Variants in CADM2 observed in about 807,000 individuals in gnomAD.
The protein encoded by CADM2 is immunoglobulin superfamily member 4D.
A neutral mutation model predicts 49.8 loss-of-function variants in CADM2; 12 were observed. The observed-to-expected ratio is 0.24, with a 90% CI of 0.15 to 0.39. CADM2 has a LOEUF of 0.39. Among genes scored for constraint, CADM2 ranks in the 10% least tolerant of loss-of-function variants. The pLI is 1.00. For synonymous variants in CADM2, 214 were observed against 175.4 expected, an observed-to-expected ratio of 1.22 and a Z score of -1.74; for missense variants, 378 against 492.3, an observed-to-expected ratio of 0.77 and a Z score of 2.20.
intron 1 of CADM2, among the ~76,000 whole-genome samples, chr3:85,147,079 C>T (rs1275945743): frequency 6.6e-6 from 1 of 151,890 alleles, no homozygotes; most frequent in Non-Finnish European, 1.5e-5. Flanking sequence ...TCAAGACCAT[C>T]CTGGCTAACA....
intron 1 of CADM2, among the ~76,000 whole-genome samples, chr3:85,452,735 G>A (rs940017767): frequency 1.7e-4 from 26 of 152,120 alleles, no homozygotes; most frequent in African/African-American, 6.0e-4. Context: ...TCCGATTTTG[G>A]AAGTTGTCTT....
chr3:85,028,430 C>A (rs1420529581), intron 1 of CADM2, among the ~76,000 whole-genome samples: 3 of 152,024 alleles, frequency 2.0e-5, no homozygotes, highest in African/African-American at 4.8e-5. Flanking sequence ...TCATATAAAC[C>A]ATGCTATTTA....
intron 1 of CADM2, among the ~76,000 whole-genome samples, chr3:85,208,897 A>C (rs543944486): frequency 6.6e-6 from 1 of 152,250 alleles, no homozygotes; most frequent in African/African-American, 2.4e-5. Flanking sequence ...TGATGTTCCC[A>C]ATCAGAGAGA....
At chr3:85,118,949 A>C (rs1172699084) in intron 1 of CADM2, among the ~76,000 whole-genome samples, 1 of 151,968 alleles carries the variant, frequency 6.6e-6, no homozygotes, top group African/African-American at 2.4e-5. Context: ...GGGTTTCTCC[A>C]TGTTGGTCAG....
At chr3:85,826,090 T>C (rs1017885925) in intron 3 of CADM2, among the ~76,000 whole-genome samples, 2 of 152,092 alleles carry the variant, frequency 1.3e-5, no homozygotes, top group African/African-American at 4.8e-5. Flanking sequence ...GACAGTATAA[T>C]TGTTGACCTT....
intron 1 of CADM2, among the ~76,000 whole-genome samples, chr3:85,110,407 C>G (rs1034874560): frequency 1.6e-4 from 25 of 151,822 alleles, no homozygotes; most frequent in African/African-American, 5.8e-4. Context: ...ATTTCTTAAC[C>G]TGGTATCTAC....
At chr3:85,767,741 G>C (rs530529191) in intron 2 of CADM2, among the ~76,000 whole-genome samples, 1 of 151,986 alleles carries the variant, frequency 6.6e-6, no homozygotes, top group East Asian at 1.9e-4. Flanking sequence ...AAAACAAAGG[G>C]TCTGGCCACA....
At chr3:85,031,538 G>C (rs1032153289) in intron 1 of CADM2, among the ~76,000 whole-genome samples, 1 of 152,064 alleles carries the variant, frequency 6.6e-6, no homozygotes, top group South Asian at 2.1e-4. Flanking sequence ...ATTTTGAGAC[G>C]GAGTCTCGCT....
intron 2 of CADM2, among the ~76,000 whole-genome samples, chr3:85,792,039 T>A (rs915744338): frequency 6.6e-6 from 1 of 152,182 alleles, no homozygotes; most frequent in Non-Finnish European, 1.5e-5. Flanking sequence ...GTGTTATGTT[T>A]AAGAATTGTT....
At chr3:85,824,150 C>T (rs2073770987) in intron 3 of CADM2, among the ~76,000 whole-genome samples, 1 of 152,106 alleles carries the variant, frequency 6.6e-6, no homozygotes, top group South Asian at 2.1e-4. Context: ...GCTTAAAAAG[C>T]ACTAACTCAT....
chr3:85,674,902 C>CT (rs1237307862), intron 1 of CADM2, among the ~76,000 whole-genome samples: 7 of 152,070 alleles, frequency 4.6e-5, no homozygotes, highest in Admixed American at 2.0e-4. Context: ...TCTGTTTGCT[C>CT]TTTTTTCCTA....
chr3:85,676,391 C>T (rs537372533), intron 1 of CADM2, among the ~76,000 whole-genome samples: 2 of 152,240 alleles, frequency 1.3e-5, no homozygotes, highest in South Asian at 4.1e-4. Context: ...GATAAGCTCT[C>T]CCTAGAGACC....
chr3:85,512,003 A>AT, intron 1 of CADM2: 1 of 457,840 alleles, frequency 2.2e-6, no homozygotes, highest in South Asian at 9.4e-5. Context: ...TTCTTTTAAA[A>AT]TTTTTTTCAA....
At position 85,130,819 on chromosome 3, in the gene CADM2, G is replaced by T. The variant is rs79779249; in HGVS notation, c.61+171151G>T. On this transcript the variant is annotated intron_variant, in intron 1 of 9. Transcript: ENST00000383699. ...AGCCAATTCATATAAACTCTTATAC[G>T]TAGCGTTATTAATCTGTAATAATTT... 3.0e-3 allele frequency among the ~76,000 whole-genome samples: 463 copies of T among 152,162 alleles called. 1 individual carries two copies. The highest frequency in any genetic ancestry group is 9.8e-3 in the African/African-American group (407 of 41,508).
chr3:85,563,416 G>GGGGGGT (rs1389655392), intron 1 of CADM2, among the ~76,000 whole-genome samples: 1 of 148,676 alleles, frequency 6.7e-6, no homozygotes, highest in Non-Finnish European at 1.5e-5. Flanking sequence ...GTGTGTGGGG[G>GGGGGGT]GGTGGTAATT....
intron 7 of CADM2, among the ~76,000 whole-genome samples, chr3:85,944,552 T>G (rs560993797): frequency 6.6e-6 from 1 of 151,830 alleles, no homozygotes; most frequent in Non-Finnish European, 1.5e-5. Context: ...TGTAAAATAA[T>G]AGAAATTATA....
chr3:85,714,725 T>A (rs990240539), intron 1 of CADM2, among the ~76,000 whole-genome samples: 6 of 152,100 alleles, frequency 3.9e-5, no homozygotes, highest in African/African-American at 1.4e-4. Context: ...CCACCGCGCC[T>A]GGCCCTGTTT....
chr3:85,244,382 C>A (rs2042602225), intron 1 of CADM2, among the ~76,000 whole-genome samples: 1 of 152,126 alleles, frequency 6.6e-6, no homozygotes, highest in African/African-American at 2.4e-5. Flanking sequence ...GCAGACTCAA[C>A]TTGTTTAAAC....
At chr3:85,960,096 A>C (rs945569936) in intron 7 of CADM2, among the ~76,000 whole-genome samples, 5 of 151,864 alleles carry the variant, frequency 3.3e-5, no homozygotes, top group African/African-American at 1.2e-4. Context: ...CTTATATTAC[A>C]AGATCACACT....
Sources: gnomAD v4.1 joint callset for allele counts (sites outside exome capture counted in the v4.1 genomes callset) on GRCh38, gnomAD v4.1.1 for gene constraint, MANE v1.5 for transcripts, NCBI Gene and HGNC (gene_info 2026-07-23, HGNC 2026-07-21) for gene names.